MARCHF8: variants seen among roughly 807,000 people sequenced by gnomAD.
The protein encoded by MARCHF8 is membrane associated ring-CH-type finger 8, also known as E3 ubiquitin-protein ligase MARCHF8.
MARCHF8 carries 40 observed loss-of-function variants against 51.6 expected under a neutral mutation model. The observed-to-expected ratio is 0.77, with a 90% CI of 0.60 to 1.01. MARCHF8 has a LOEUF of 1.01. Among genes scored for constraint, MARCHF8 ranks in the 50% least tolerant of loss-of-function variants. The pLI is 0.00. For synonymous variants in MARCHF8, 263 were observed against 280.3 expected, an observed-to-expected ratio of 0.94 and a Z score of 0.62; for missense variants, 685 against 708.6, an observed-to-expected ratio of 0.97 and a Z score of 0.38.
intron 2 of MARCHF8, among the ~76,000 whole-genome samples, chr10:45,512,068 G>A (rs556054018): frequency 2.8e-4 from 40 of 142,736 alleles, no homozygotes; most frequent in Admixed American, 1.2e-3. Context: ...GCCGCCCATC[G>A]CCTGAGATGT....
At chr10:45,580,789 T>C (rs1462643138) in intron 1 of MARCHF8, among the ~76,000 whole-genome samples, 1 of 152,148 alleles carries the variant, frequency 6.6e-6, no homozygotes. Context: ...TATTGTGCGC[T>C]AGGACCACCG....
Position 45,456,967 on chromosome 10 carries a change from C to T in MARCHF8, c.*1272G>A, listed in dbSNP as rs1395194605. 3.3e-5 allele frequency: 5 copies of T among 152,356 alleles called. No homozygotes were observed. The highest frequency in any genetic ancestry group is 4.8e-5 in the African/African-American group (2 of 41,458). 9.4% of individuals were successfully genotyped at this position (152,356 alleles called of 1,614,324 possible). A position where few individuals can be genotyped will look rare whatever the true frequency, so the allele number is the denominator to read the frequency against. The stretch of plus-strand genomic sequence containing the variant: ...GGCGACAGCTGGGCGGGCATGTGGC[C>T]GGGGAGCAGTGGCACAGCGGACCCT... On this transcript the variant is annotated 3_prime_UTR_variant, in exon 8 of 8. Transcript: ENST00000453424.
At chr10:45,584,126 C>CATATATATATATATATATATATATATAT (rs55978063) in intron 1 of MARCHF8, among the ~76,000 whole-genome samples, 1 of 85,366 alleles carries the variant, frequency 1.2e-5, no homozygotes, top group East Asian at 4.5e-4. Context: ...TATATACAAT[C>CATATATATATATATATATATATATATAT]ATATATATAT....
At chr10:45,521,615 T>A (rs1184542481) in intron 2 of MARCHF8, among the ~76,000 whole-genome samples, 1 of 152,214 alleles carries the variant, frequency 6.6e-6, no homozygotes, top group Non-Finnish European at 1.5e-5. Flanking sequence ...AAATTTGGAA[T>A]TAGATTTAAA....
intron 2 of MARCHF8, among the ~76,000 whole-genome samples, chr10:45,509,529 T>C (rs1010326052): frequency 1.3e-5 from 2 of 152,222 alleles, no homozygotes; most frequent in African/African-American, 2.4e-5. Flanking sequence ...GTCCTCTTTT[T>C]TACTAGGACA....
intron 1 of MARCHF8, among the ~76,000 whole-genome samples, chr10:45,578,055 G>C (rs537788655): frequency 6.6e-6 from 1 of 152,234 alleles, no homozygotes; most frequent in Non-Finnish European, 1.5e-5. Context: ...TTAAAATATG[G>C]ATATACATAT....
chr10:45,569,400 A>ACAGACTGATCAG (rs1281156845), intron 1 of MARCHF8, among the ~76,000 whole-genome samples: 5 of 152,204 alleles, frequency 3.3e-5, no homozygotes, highest in Admixed American at 3.3e-4. Context: ...CATGTACCAT[A>ACAGACTGATCAG]CAGACTGATC....
At chr10:45,525,630 GTAACTT>G (rs929260634) in intron 2 of MARCHF8, among the ~76,000 whole-genome samples, 1 of 152,178 alleles carries the variant, frequency 6.6e-6, no homozygotes, top group African/African-American at 2.4e-5. Flanking sequence ...GAGAAAAAGA[GTAACTT>G]TATAGTGGAG....
intron 1 of MARCHF8, among the ~76,000 whole-genome samples, chr10:45,559,960 G>T (rs1188633926): frequency 6.6e-6 from 1 of 152,158 alleles, no homozygotes; most frequent in East Asian, 1.9e-4. Flanking sequence ...TCGGCAGTGA[G>T]ATTTGAACAC....
At chr10:45,480,683 T>C (rs1024862453) in intron 3 of MARCHF8, among the ~76,000 whole-genome samples, 1 of 152,160 alleles carries the variant, frequency 6.6e-6, no homozygotes, top group South Asian at 2.1e-4. Context: ...ATGTCAAGAA[T>C]TGAGATTTGG....
chr10:45,592,949 A>G (rs879319571), intron 1 of MARCHF8, among the ~76,000 whole-genome samples: 6 of 152,204 alleles, frequency 3.9e-5, no homozygotes, highest in East Asian at 3.8e-4. Context: ...TCTGAAATTC[A>G]TATCAACTAG....
intron 1 of MARCHF8, among the ~76,000 whole-genome samples, chr10:45,553,598 G>A (rs931951305): frequency 6.6e-6 from 1 of 152,140 alleles, no homozygotes; most frequent in African/African-American, 2.4e-5. Flanking sequence ...CTAACAGCAA[G>A]ACACTAAAGA....
chr10:45,499,202 T>C (rs568633717), intron 2 of MARCHF8, among the ~76,000 whole-genome samples: 2 of 152,352 alleles, frequency 1.3e-5, no homozygotes, highest in South Asian at 4.1e-4. Flanking sequence ...TAATTATCAA[T>C]GATGTTGACC....
chr10:45,532,570 G>C lies in MARCHF8; in HGVS notation c.102+540C>G, dbSNP rs189804749. 2.0e-5 allele frequency among the ~76,000 whole-genome samples: 3 copies of C among 152,334 alleles called. No individual in the cohort carries two copies. In the East Asian group the frequency reaches 5.8e-4, roughly 29 times the overall value. On this transcript the variant is annotated intron_variant, in intron 2 of 7. Coordinates refer to ENST00000453424, the MANE Select transcript of MARCHF8 (RefSeq NM_001282866.2). ...TGCTTCCTTCCTCCCTCTATGCCAT[G>C]TGAGGACACAGCAAGAAGGCAGCTG...
At chr10:45,478,180 T>A (rs58967087) in intron 3 of MARCHF8, among the ~76,000 whole-genome samples, 3,738 of 152,212 alleles carry the variant, frequency 0.025, 156 homozygotes, top group African/African-American at 0.084. Flanking sequence ...CTCAACAAAG[T>A]TTTTAAAAAT....
intron 1 of MARCHF8, among the ~76,000 whole-genome samples, chr10:45,558,387 A>C (rs966491248): frequency 3.3e-5 from 5 of 152,206 alleles, no homozygotes; most frequent in African/African-American, 1.2e-4. Context: ...TCTGTCATTC[A>C]CACTATCCTA....
rs1225638897 is a variant in MARCHF8 at position 45,463,892 on chromosome 10, A to C, written c.347T>G (p.Val116Gly). 1 of 1,536,896 alleles carries C rather than the reference A, an allele frequency of 6.5e-7. No homozygotes were observed. Among genetic ancestry groups the C allele is most frequent in the South Asian group, 1.2e-5 (1 of 84,060 alleles). ...TAATGTGTCCTTACAGATAACTGTC[A>C]CAGTGAGCCCTTGTGTCAGAGAACT... Reference protein sequence around the residue: ...CQSSLTQGLTVTVICKDTLQA... With the variant: ...CQSSLTQGLTGTVICKDTLQA... Residue 116 changes from valine to glycine, a missense_variant, in exon 5 of 8, where the codon GTG (valine) becomes GGG (glycine). Coordinates refer to ENST00000453424, the MANE Select transcript of MARCHF8 (RefSeq NM_001282866.2).
chr10:45,586,432 T>C (rs1392264058), intron 1 of MARCHF8, among the ~76,000 whole-genome samples: 1 of 152,190 alleles, frequency 6.6e-6, no homozygotes. Context: ...TGAAAGATTA[T>C]ACTCTTTCCG....
chr10:45,504,788 G>A (rs778777239), intron 2 of MARCHF8, among the ~76,000 whole-genome samples: 7 of 152,114 alleles, frequency 4.6e-5, no homozygotes, highest in African/African-American at 1.2e-4. Flanking sequence ...TCATGTTCGC[G>A]TATCTGGCAT....
Sources: allele counts gnomAD v4.1 joint callset (sites outside exome capture counted in the v4.1 genomes callset), GRCh38; gene constraint gnomAD v4.1.1; transcripts MANE v1.5; gene names NCBI Gene and HGNC (gene_info 2026-07-23, HGNC 2026-07-21).